The following AGMO variants were observed in gnomAD, a reference collection of about 807,000 sequenced individuals.
The protein encoded by AGMO is glyceryl-ether monooxygenase.
AGMO carries 75 observed loss-of-function variants against 60.2 expected under a neutral mutation model. That is an observed-to-expected ratio of 1.25 (90% CI 1.03 to 1.51). The LOEUF (loss-of-function observed/expected upper bound fraction) is 1.51. Among genes scored for constraint, AGMO ranks in the 40% most tolerant of loss-of-function variants. The pLI is 0.00. For synonymous variants in AGMO, 261 were observed against 177.1 expected (o/e 1.47, Z -3.76); for missense variants, 763 against 525.5 (o/e 1.45, Z -4.42).
chr7:15,339,885 A>G (rs1387465336), intron 12 of AGMO, among the ~76,000 whole-genome samples: 1 of 152,190 alleles, frequency 6.6e-6, no homozygotes, highest in African/African-American at 2.4e-5. Flanking sequence ...AGAAATTGCT[A>G]TGTTCATTAT....
downstream of AGMO, among the ~76,000 whole-genome samples, chr7:15,199,025 C>T (rs951561098): frequency 1.3e-5 from 2 of 152,154 alleles, no homozygotes; most frequent in Non-Finnish European, 2.9e-5. Flanking sequence ...GTGCCGTTAT[C>T]ATTTTTGTTT....
chr7:15,388,782 T>A (rs1784026292), intron 8 of AGMO, among the ~76,000 whole-genome samples: 1 of 152,120 alleles, frequency 6.6e-6, no homozygotes, highest in African/African-American at 2.4e-5. Context: ...GAAGTGAAAA[T>A]AAGTGAATAT....
At chr7:15,203,323 C>A (rs1476360327) in intron 12 of AGMO, among the ~76,000 whole-genome samples, 1 of 152,078 alleles carries the variant, frequency 6.6e-6, no homozygotes, top group Non-Finnish European at 1.5e-5. Flanking sequence ...TATTAATCCA[C>A]CACTTTCCAC....
chr7:15,160,103 T>C, the AGMO span, among the ~76,000 whole-genome samples: 3 of 152,202 alleles, frequency 2.0e-5, no homozygotes, highest in Non-Finnish European at 4.4e-5. Flanking sequence ...ATACAGGTAA[T>C]CTCATGCTAG....
At chr7:15,297,564 C>T (rs1784440344) in intron 12 of AGMO, among the ~76,000 whole-genome samples, 1 of 152,022 alleles carries the variant, frequency 6.6e-6, no homozygotes, top group Non-Finnish European at 1.5e-5. Context: ...GTTAGTGTTG[C>T]ATTTGGCCAC....
intron 12 of AGMO, among the ~76,000 whole-genome samples, chr7:15,348,941 T>C (rs1173838845): frequency 6.6e-6 from 1 of 152,164 alleles, no homozygotes; most frequent in Non-Finnish European, 1.5e-5. Flanking sequence ...AAAGTTCTTC[T>C]AAATTAGCTG....
In AGMO at chr7:15,531,163, ATATATATATTC is replaced by A. The variant is rs1450238798; in HGVS notation, c.409+13598_409+13608del. 2.7e-3 allele frequency among the ~76,000 whole-genome samples: 106 copies of A among 39,496 alleles called. 9 individuals are homozygous for A. The highest frequency in any genetic ancestry group is 0.011 in the African/African-American group (97 of 9,032). 25.9% of individuals were successfully genotyped at this position (39,496 alleles called of 152,430 possible). ...TCTATATATATTCTATATATATTCT[ATATATATATTC>A]TATATATTCTATATATATTCTATAT... On this transcript the variant is annotated intron_variant, in intron 3 of 12. Transcript: ENST00000342526.
the AGMO span, among the ~76,000 whole-genome samples, chr7:15,122,546 G>C: frequency 6.6e-6 from 1 of 151,960 alleles, no homozygotes; most frequent in African/African-American, 2.4e-5. Flanking sequence ...TCCAAAATGA[G>C]CTCCTAATCT....
chr7:15,341,595 C>G (rs1781850094), intron 12 of AGMO, among the ~76,000 whole-genome samples: 1 of 152,196 alleles, frequency 6.6e-6, no homozygotes, highest in African/African-American at 2.4e-5. Context: ...GCCTGTTACA[C>G]AGTTCCAAAG....
chr7:15,225,171 T>C (rs1031643256), intron 12 of AGMO, among the ~76,000 whole-genome samples: 1 of 151,974 alleles, frequency 6.6e-6, no homozygotes, highest in Admixed American at 6.6e-5. Flanking sequence ...CGAACATTTT[T>C]CCATGTGATT....
intron 12 of AGMO, among the ~76,000 whole-genome samples, chr7:15,260,316 G>T (rs1244946508): frequency 2.0e-5 from 3 of 151,694 alleles, no homozygotes; most frequent in East Asian, 1.9e-4. Context: ...GAAAGGGGTA[G>T]AAAAAGATAT....
In AGMO at chr7:15,394,429, A is replaced by AGC. The variant is rs563994454; in HGVS notation, c.610-252_610-251dup. On this transcript the variant is annotated intron_variant, in intron 5 of 12. Transcript: ENST00000342526. ...TTAAGAGCTAGACGACTTTCAGTTC[A>AGC]GCTCCAGGAATCTCCACTTACTACT... Among the ~76,000 whole-genome samples, 153 of 152,310 alleles carry AGC rather than the reference A, an allele frequency of 1.0e-3. 1 individual carries two copies. Among genetic ancestry groups the AGC allele is most frequent in the African/African-American group, 3.5e-3 (145 of 41,570 alleles).
chr7:15,475,832 G>A (rs568740166), intron 3 of AGMO, among the ~76,000 whole-genome samples: 27 of 152,140 alleles, frequency 1.8e-4, no homozygotes, highest in African/African-American at 6.0e-4. Context: ...TTATTTGAAA[G>A]TAGGATTAAA....
chr7:15,236,834 T>C (rs115822525), intron 12 of AGMO, among the ~76,000 whole-genome samples: 2,262 of 151,996 alleles, frequency 0.015, 63 homozygotes, highest in African/African-American at 0.052. Flanking sequence ...ACTATGATTA[T>C]ATGACAACCA....
intron 10 of AGMO, 30 bp downstream of exon 10, chr7:15,385,416 C>A: frequency 1.5e-6 from 2 of 1,339,062 alleles, no homozygotes; most frequent in Non-Finnish European, 1.1e-6. Flanking sequence ...AGATAATGTT[C>A]TCACACTACT....
chr7:15,378,481 C>G (rs1477620369), intron 10 of AGMO, among the ~76,000 whole-genome samples: 1 of 151,978 alleles, frequency 6.6e-6, no homozygotes, highest in Admixed American at 6.6e-5. Flanking sequence ...GGGATCAAAT[C>G]AACAAGGATT....
intron 3 of AGMO, among the ~76,000 whole-genome samples, chr7:15,470,914 A>G (rs2128512458): frequency 6.6e-6 from 1 of 152,098 alleles, no homozygotes; most frequent in Admixed American, 6.6e-5. Flanking sequence ...CAGAATAATA[A>G]ATATATCCAT....
chr7:15,185,855 A>C, the AGMO span, among the ~76,000 whole-genome samples: 1 of 152,350 alleles, frequency 6.6e-6, no homozygotes, highest in East Asian at 1.9e-4. Context: ...ATCAAAATTA[A>C]TTAAGCAGTT....
At chr7:15,318,927 C>T (rs1445163284) in intron 12 of AGMO, among the ~76,000 whole-genome samples, 1 of 152,050 alleles carries the variant, frequency 6.6e-6, no homozygotes, top group Non-Finnish European at 1.5e-5. Flanking sequence ...TGTGACGAAT[C>T]TTACTTGATC....
Sources: gnomAD v4.1 joint callset for allele counts (sites outside exome capture counted in the v4.1 genomes callset) on GRCh38, gnomAD v4.1.1 for gene constraint, MANE v1.5 for transcripts, NCBI Gene and HGNC (gene_info 2026-07-23, HGNC 2026-07-21) for gene names.